The following ACACB variants were observed in gnomAD, a reference collection of about 807,000 sequenced individuals.
ACACB encodes the protein acetyl-CoA carboxylase beta, also known as acetyl-CoA carboxylase 2.
Under a neutral mutation model 278.8 loss-of-function variants are expected in ACACB, and 209 were observed. The ratio of observed to expected loss-of-function variants is 0.75; its 90% CI spans 0.67 to 0.84. The LOEUF (loss-of-function observed/expected upper bound fraction) is 0.84, where lower values mean the gene tolerates loss of function less well. Among genes scored for constraint, ACACB ranks in the 40% least tolerant of loss-of-function variants. The pLI is 0.00. For synonymous variants in ACACB, 1,174 were observed against 1,285.6 expected (o/e 0.91, Z 1.86); for missense variants, 2,850 against 3,269.0 (o/e 0.87, Z 3.13).
intron 2 of ACACB, among the ~76,000 whole-genome samples, chr12:109,144,569 G>A (rs930661010): frequency 6.6e-6 from 1 of 151,950 alleles, no homozygotes; most frequent in Non-Finnish European, 1.5e-5. Flanking sequence ...TTTAAAACTC[G>A]AATTGGCTTT....
rs749611424 is a variant in ACACB, at chr12:109,247,566, A to C, written c.5572-40A>C. 1.5e-5 allele frequency: 22 copies of C among 1,466,640 alleles called. No homozygotes were observed. The East Asian group carries it at 5.0e-4, about 33-fold the overall frequency. 90.9% of individuals were successfully genotyped at this position (1,466,640 alleles called of 1,614,324 possible). On this transcript the variant is annotated intron_variant, in intron 39 of 52. Transcript: ENST00000338432. ...AAAAAAAAACAGTGGCTTTCAGTGC[A>C]GGGAACTGGATTCGTAGCCTCACTA...
rs2136708439 is a variant in ACACB at position 109,246,372 on chromosome 12, G to A, written c.5495G>A (p.Gly1832Asp). 1 of 1,613,484 alleles carries A rather than the reference G, an allele frequency of 6.2e-7. No homozygotes were observed. Among genetic ancestry groups the A allele is most frequent in the Non-Finnish European group, 8.5e-7 (1 of 1,179,946 alleles). Reference sequence around the variant, plus strand: ...AAAATTTACGTGGCAGCCAACAGTGGCGCCCGTATTGGCATGGCAGAGGAG... The same window carrying A: ...AAAATTTACGTGGCAGCCAACAGTGACGCCCGTATTGGCATGGCAGAGGAG... ...IPKIYVAANS[G>D]ARIGMAEEIK... Residue 1832 changes from glycine (G) to aspartate (D), a missense_variant, in exon 39 of 53, where the codon GGC becomes GAC. By Grantham distance (94) the Gly-to-Asp change is moderately conservative. Transcript: ENST00000338432.
At chr12:109,115,761 C>T (rs1333997431), upstream of ACACB, among the ~76,000 whole-genome samples, 1 of 152,262 alleles carries the variant, frequency 6.6e-6, no homozygotes, top group East Asian at 1.9e-4. Context: ...GAACAGGCTG[C>T]ACCAGCCCCA....
chr12:109,188,274 CCCTT>C (rs1277195903), intron 13 of ACACB, 112 bp downstream of exon 13: 33 of 1,144,194 alleles, frequency 2.9e-5, no homozygotes, highest in Non-Finnish European at 3.3e-5. Flanking sequence ...TCTTTCTCCT[CCCTT>C]CCTTTCTTCT....
chr12:109,227,095 C>T (rs536126659), intron 27 of ACACB, among the ~76,000 whole-genome samples: 6 of 152,038 alleles, frequency 3.9e-5, no homozygotes, highest in South Asian at 2.1e-4. Context: ...GGACTACAGG[C>T]GCCTGCCACC....
intron 49 of ACACB, 95 bp from the exon 50 acceptor site, chr12:109,264,137 C>G (rs1213945208): frequency 4.3e-6 from 6 of 1,399,014 alleles, no homozygotes; most frequent in Non-Finnish European, 4.9e-6. Flanking sequence ...CCTGCAAATC[C>G]TGATTTGTGC....
intron 28 of ACACB, among the ~76,000 whole-genome samples, chr12:109,232,198 G>A (rs945536861): frequency 3.9e-5 from 6 of 152,350 alleles, no homozygotes; most frequent in African/African-American, 1.4e-4. Flanking sequence ...TGGGAGCATC[G>A]TTGTCTAAAC....
Position 109,144,750 on chromosome 12 carries a change from C to CTTTTTTTTTTTTTTTTTTTTTTTT in ACACB, c.653+4695_653+4696insTTTTTTTTTTTTTTTTTTTTTTTT, listed in dbSNP as rs770963307. On this transcript the variant is annotated intron_variant, in intron 2 of 52. Transcript: ENST00000338432. ...TCTTTCTTTTTCTTTTTCTTTCTTT[C>CTTTTTTTTTTTTTTTTTTTTTTTT]TTTCTTTTTTTTTTTTTTTTTTGAG... is the stretch of plus-strand genomic sequence containing the variant. 1.5e-4 allele frequency among the ~76,000 whole-genome samples: 13 copies of CTTTTTTTTTTTTTTTTTTTTTTTT among 86,774 alleles called. 1 individual carries two copies. The highest frequency in any genetic ancestry group is 1.1e-3 in the East Asian group (3 of 2,814). 56.9% of individuals were successfully genotyped at this position (86,774 alleles called of 152,430 possible).
chr12:109,232,721 G>C lies in ACACB; in HGVS notation c.4054G>C (p.Glu1352Gln). The change falls in exon 29 of 53, where the codon GAG (glutamate) becomes CAG (glutamine). Residue 1352 changes from glutamate (E) to glutamine (Q), a missense_variant. Physicochemically the swap from Glu to Gln is conservative, Grantham distance 29. This residue lies in a region of ACACB where 2,265 missense variants were observed against 2,561.3 expected (regional missense o/e 0.88). Coordinates refer to ENST00000338432, the MANE Select transcript of ACACB (RefSeq NM_001093.4). ...CCCTGACCTGCTGAGGCACAGCACA[G>C]AGCTCTTCATGGACAGCGGCTTCTC... is the stretch of plus-strand genomic sequence containing the variant. ...TNPDLLRHST[E>Q]LFMDSGFSPL... The C allele has an allele frequency of 6.2e-7, 1 of 1,614,156 alleles. No homozygotes were observed. The highest frequency in any genetic ancestry group is 2.2e-5 in the East Asian group (1 of 44,880).
Position 109,222,930 on chromosome 12 carries a change from C to T in ACACB, c.3792+18C>T. On this transcript the variant is annotated intron_variant, in intron 26 of 52. Transcript: ENST00000338432. ...ACCTCAAGGTGAGCCCGTCTCCTTCCTTTCACCATCTGCAGAGCACACACT... is the reference window on the plus strand; with the variant it reads ...ACCTCAAGGTGAGCCCGTCTCCTTCTTTTCACCATCTGCAGAGCACACACT... The T allele has an allele frequency of 6.4e-7, 1 of 1,564,000 alleles. No individual in the cohort carries two copies.
At chr12:109,143,688 A>G (rs3858707) in intron 2 of ACACB, among the ~76,000 whole-genome samples, 79,336 of 151,846 alleles carry the variant, frequency 0.52, 22,918 homozygotes, top group Middle Eastern at 0.71. Flanking sequence ...CCAGCCCCAG[A>G]ATCAGGGGCT....
chr12:109,155,256 C>T (rs1025945213), intron 2 of ACACB, among the ~76,000 whole-genome samples: 2 of 152,196 alleles, frequency 1.3e-5, no homozygotes, highest in Non-Finnish European at 1.5e-5. Context: ...TCTCCTTCGC[C>T]TCCAGAAGCT....
chr12:109,114,608 G>T (rs1035860989), upstream of ACACB, among the ~76,000 whole-genome samples: 1 of 151,974 alleles, frequency 6.6e-6, no homozygotes, highest in African/African-American at 2.4e-5. Context: ...GCTTTAGGAG[G>T]CAAGGCAAGA....
Position 109,139,531 on chromosome 12 carries a change from C to T in ACACB, c.126C>T (p.Ile42=). ...ITKSKSEANL[I]PSQEPFPASD... is the part of the protein sequence containing the mutation. ...AGAGTAAATCAGAAGCAAACCTCATCCCGAGCCAGGAGCCCTTTCCAGCCT... is the reference window on the plus strand; with the variant it reads ...AGAGTAAATCAGAAGCAAACCTCATTCCGAGCCAGGAGCCCTTTCCAGCCT... The change falls in exon 2 of 53, where the codon ATC becomes ATT. Residue 42 remains isoleucine, a synonymous_variant. Transcript: ENST00000338432. The T allele has an allele frequency of 6.2e-7, 1 of 1,614,164 alleles. No individual in the cohort carries two copies. Among genetic ancestry groups the T allele is most frequent in the Non-Finnish European group, 8.5e-7 (1 of 1,180,034 alleles).
intron 2 of ACACB, among the ~76,000 whole-genome samples, chr12:109,157,769 C>T (rs985861876): frequency 4.6e-5 from 7 of 152,100 alleles, no homozygotes; most frequent in African/African-American, 9.7e-5. Flanking sequence ...AAGGTGAGGT[C>T]GCAAATGATG....
At chr12:109,176,456 G>A (rs1256818580) in intron 9 of ACACB, among the ~76,000 whole-genome samples, 193 bp downstream of exon 9, 1 of 152,138 alleles carries the variant, frequency 6.6e-6, no homozygotes, top group East Asian at 1.9e-4. Flanking sequence ...TGTCGATCTT[G>A]ACAGAATCTT....
chr12:109,138,141 T>C (rs146597055), intron 1 of ACACB, among the ~76,000 whole-genome samples: 2,007 of 152,236 alleles, frequency 0.013, 62 homozygotes, highest in African/African-American at 0.045. Context: ...CAACCTCAGG[T>C]GATCTGCCCG....
At chr12:109,197,963 T>A (rs1008097695) in intron 17 of ACACB, among the ~76,000 whole-genome samples, 1 of 152,172 alleles carries the variant, frequency 6.6e-6, no homozygotes, top group African/African-American at 2.4e-5. Flanking sequence ...GGCACCATCA[T>A]GACTCACTGC....
intron 24 of ACACB, among the ~76,000 whole-genome samples, chr12:109,217,377 G>A (rs994873772): frequency 6.6e-6 from 1 of 152,178 alleles, no homozygotes; most frequent in Non-Finnish European, 1.5e-5. Flanking sequence ...CACTGCCTTT[G>A]TACAATGTAA....
Sources: gnomAD v4.1 joint callset for allele counts (sites outside exome capture counted in the v4.1 genomes callset) on GRCh38, gnomAD v4.1.1 for gene constraint, gnomAD v4.1.1 regional missense constraint, MANE v1.5 for transcripts, NCBI Gene and HGNC (gene_info 2026-07-23, HGNC 2026-07-21) for gene names.